LGSN: variants seen among roughly 807,000 people sequenced by gnomAD.
The protein encoded by LGSN is lengsin, lens protein with glutamine synthetase domain.
LGSN carries 21 observed loss-of-function variants against 19.5 expected under a neutral mutation model. The ratio of observed to expected loss-of-function variants is 1.07; its 90% CI spans 0.76 to 1.55. The LOEUF is 1.55. LGSN is among the 40% of genes most tolerant of loss of function. The pLI is 0.00. For synonymous variants in LGSN, 257 were observed against 215.6 expected (o/e 1.19, Z -1.68); for missense variants, 673 against 608.5 (o/e 1.11, Z -1.12).
the LGSN span, among the ~76,000 whole-genome samples, chr6:63,422,502 T>A: frequency 2.0e-5 from 3 of 152,174 alleles, no homozygotes; most frequent in Admixed American, 6.5e-5. Context: ...CTGCTCAATT[T>A]TGCTATGAAC....
chr6:63,488,414 C>G, the LGSN span, among the ~76,000 whole-genome samples: 112 of 152,276 alleles, frequency 7.4e-4, no homozygotes, highest in Middle Eastern at 3.4e-3. Flanking sequence ...GATCGATCCC[C>G]TTTCCTGGAC....
chr6:63,331,028 G>A, the LGSN span, among the ~76,000 whole-genome samples: 1 of 152,074 alleles, frequency 6.6e-6, no homozygotes, highest in African/African-American at 2.4e-5. Context: ...CCTGAGTTGG[G>A]CCAAATTCCC....
At chr6:63,327,891 G>C in the LGSN span, among the ~76,000 whole-genome samples, 1 of 151,812 alleles carries the variant, frequency 6.6e-6, no homozygotes, top group Non-Finnish European at 1.5e-5. Flanking sequence ...CATTTTGATG[G>C]CTTTGGTAGT....
In LGSN at chr6:63,313,445, A is replaced by C. The variant is rs6907200; in HGVS notation, c.30+6469T>G. 2.9e-3 allele frequency among the ~76,000 whole-genome samples: 448 copies of C among 152,318 alleles called. 3 individuals carry two copies. Among genetic ancestry groups the C allele is most frequent in the African/African-American group, 0.01 (424 of 41,568 alleles). ...ATATGAAATACAACTCAAAAGTATG[A>C]AGTAAAGAAGACAGAAAATATGTCT... On this transcript the variant is annotated intron_variant, in intron 1 of 3. Transcript: ENST00000370657.
chr6:63,554,939 C>T, the LGSN span, among the ~76,000 whole-genome samples: 1 of 152,234 alleles, frequency 6.6e-6, no homozygotes, highest in Middle Eastern at 3.4e-3. Context: ...TAGAATCATA[C>T]AAAGAGACAA....
the LGSN span, among the ~76,000 whole-genome samples, chr6:63,374,729 T>G: frequency 2.4e-4 from 37 of 152,322 alleles, no homozygotes; most frequent in African/African-American, 8.4e-4. Flanking sequence ...GTAAAATGGT[T>G]TTTCTTGTCT....
chr6:63,471,485 G>A, the LGSN span, among the ~76,000 whole-genome samples: 2 of 151,692 alleles, frequency 1.3e-5, no homozygotes, highest in Non-Finnish European at 2.9e-5. Flanking sequence ...GGCCAACATG[G>A]TGAAACCCTG....
At chr6:63,495,091 T>C in the LGSN span, among the ~76,000 whole-genome samples, 14 of 152,282 alleles carry the variant, frequency 9.2e-5, no homozygotes, top group Non-Finnish European at 1.9e-4. Flanking sequence ...CACAGCACTG[T>C]ACTAGATACT....
At chr6:63,400,970 G>T in the LGSN span, among the ~76,000 whole-genome samples, 1 of 152,064 alleles carries the variant, frequency 6.6e-6, no homozygotes, top group Non-Finnish European at 1.5e-5. Flanking sequence ...CTCCAGCCTG[G>T]ATGACAAGAG....
At chr6:63,572,364 G>A in the LGSN span, 15 of 304,136 alleles carry the variant, frequency 4.9e-5, no homozygotes, top group Non-Finnish European at 6.6e-5. Context: ...CGTCCGGAGG[G>A]GGCGGGCCTC....
intron 1 of LGSN, among the ~76,000 whole-genome samples, chr6:63,315,896 T>G (rs1176740418): frequency 2.0e-5 from 3 of 151,714 alleles, no homozygotes; most frequent in Non-Finnish European, 4.4e-5. Flanking sequence ...AACTCCACAT[T>G]TCAAGTGAGA....
chr6:63,276,532 G>GA lies in LGSN; in HGVS notation c.*3488dup, dbSNP rs1490936640. 6.6e-6 allele frequency: 1 copy of GA among 152,068 alleles called. No individual in the cohort carries two copies. Among genetic ancestry groups the GA allele is most frequent in the East Asian group, 1.9e-4 (1 of 5,194 alleles). The allele number at this position is 152,068 out of a possible 1,614,324, so 9.4% of individuals were successfully genotyped here. ...TTTGATTAGAACAATTATAGTAAAT[G>GA]AAAATAAGAAAGCAATTTTTGTAAA... On this transcript the variant is annotated 3_prime_UTR_variant, in exon 4 of 4. Transcript: ENST00000370657.
At chr6:63,421,674 G>A in the LGSN span, among the ~76,000 whole-genome samples, 1 of 151,220 alleles carries the variant, frequency 6.6e-6, no homozygotes, top group East Asian at 2.0e-4. Context: ...GTTGCAATGA[G>A]CCAAGATTGA....
the LGSN span, among the ~76,000 whole-genome samples, chr6:63,329,045 C>T: frequency 4.6e-5 from 7 of 152,308 alleles, no homozygotes; most frequent in South Asian, 1.4e-3. Flanking sequence ...GGCCTTCGAC[C>T]TAGACAACTT....
chr6:63,488,649 G>A, the LGSN span, among the ~76,000 whole-genome samples: 1 of 151,916 alleles, frequency 6.6e-6, no homozygotes, highest in Non-Finnish European at 1.5e-5. Context: ...AGTGTCTTCT[G>A]CAATTAAAAA....
At chr6:63,310,713 A>C (rs924648669) in intron 1 of LGSN, among the ~76,000 whole-genome samples, 3 of 152,194 alleles carry the variant, frequency 2.0e-5, no homozygotes, top group Admixed American at 6.6e-5. Flanking sequence ...TAACTAAAGA[A>C]AAATGAATCC....
At chr6:63,432,170 A>G in the LGSN span, among the ~76,000 whole-genome samples, 14 of 96,492 alleles carry the variant, frequency 1.5e-4, 1 homozygote, top group African/African-American at 4.4e-4. Flanking sequence ...AGAAAGAAAG[A>G]AAAGGAAAGA....
chr6:63,434,542 T>G, the LGSN span, among the ~76,000 whole-genome samples: 1 of 143,848 alleles, frequency 7.0e-6, no homozygotes. Context: ...TCATATCACC[T>G]GAGGTCAGGA....
At chr6:63,356,334 G>A in the LGSN span, among the ~76,000 whole-genome samples, 1 of 152,150 alleles carries the variant, frequency 6.6e-6, no homozygotes, top group Non-Finnish European at 1.5e-5. Flanking sequence ...GAAGTCAGGA[G>A]TTCGAGACCA....
Sources: allele counts gnomAD v4.1 joint callset (sites outside exome capture counted in the v4.1 genomes callset), GRCh38; gene constraint gnomAD v4.1.1; transcripts MANE v1.5; gene names NCBI Gene and HGNC (gene_info 2026-07-23, HGNC 2026-07-21).